TMTC1: variants seen among roughly 807,000 people sequenced by gnomAD.
The protein encoded by TMTC1 is protein O-mannosyl-transferase TMTC1.
In TMTC1, 73 loss-of-function variants were observed where a neutral mutation model predicts 104.8. That is an observed-to-expected ratio of 0.70 (90% CI 0.58 to 0.85). The LOEUF (loss-of-function observed/expected upper bound fraction) is 0.85. TMTC1 is among the 40% of genes least tolerant of loss of function. The pLI, the probability that TMTC1 is intolerant of heterozygous loss-of-function variation, is 0.00. For missense variants in TMTC1, 1,035 were observed against 1,096.1 expected, an observed-to-expected ratio of 0.94 and a Z score of 0.79; for synonymous variants, 434 against 428.7, an observed-to-expected ratio of 1.01 and a Z score of -0.15.
chr12:29,718,767 A>T, intron 5 of TMTC1, among the ~76,000 whole-genome samples: 1 of 152,096 alleles, frequency 6.6e-6, no homozygotes, highest in East Asian at 1.9e-4. Flanking sequence ...CCCCGTCTCT[A>T]CTAAAAATAC....
At chr12:29,730,594 T>A (rs1002406528) in intron 5 of TMTC1, among the ~76,000 whole-genome samples, 1 of 152,170 alleles carries the variant, frequency 6.6e-6, no homozygotes, top group Non-Finnish European at 1.5e-5. Flanking sequence ...CTGAGAAGGA[T>A]CACCGGATGA....
intron 8 of TMTC1, among the ~76,000 whole-genome samples, chr12:29,572,632 G>A (rs1336749652): frequency 1.3e-5 from 2 of 152,138 alleles, no homozygotes; most frequent in African/African-American, 4.8e-5. Context: ...ACACAACCTT[G>A]CAATTAACAA....
chr12:29,658,127 G>T (rs569981974), intron 5 of TMTC1, among the ~76,000 whole-genome samples: 2 of 151,506 alleles, frequency 1.3e-5, no homozygotes, highest in Non-Finnish European at 2.9e-5. Flanking sequence ...AACAAAAAAC[G>T]AAATCTAACA....
intron 5 of TMTC1, chr12:29,640,792 G>A (rs760429740): frequency 3.5e-4 from 54 of 152,388 alleles, no homozygotes; most frequent in Non-Finnish European, 7.2e-4. Context: ...GGGGGAGGGT[G>A]CAAATCTGAT....
chr12:29,575,848 A>G (rs159686), intron 8 of TMTC1, among the ~76,000 whole-genome samples: 148,982 of 152,270 alleles, frequency 0.98, 72,909 homozygotes, highest in East Asian at 1. Flanking sequence ...CTGGACCAAC[A>G]TACATTCCCA....
intron 5 of TMTC1, among the ~76,000 whole-genome samples, chr12:29,702,107 C>G (rs558819083): frequency 6.6e-6 from 1 of 152,090 alleles, no homozygotes; most frequent in African/African-American, 2.4e-5. Context: ...TGCCAAGAAT[C>G]CAGATTAAAC....
intron 5 of TMTC1, among the ~76,000 whole-genome samples, chr12:29,672,045 T>TC (rs2136683493): frequency 6.6e-6 from 1 of 152,242 alleles, no homozygotes; most frequent in East Asian, 1.9e-4. Flanking sequence ...AAGTCAAGTG[T>TC]CTAAAATTTG....
intron 5 of TMTC1, among the ~76,000 whole-genome samples, chr12:29,743,498 C>T (rs1942878412): frequency 6.6e-6 from 1 of 152,060 alleles, no homozygotes; most frequent in African/African-American, 2.4e-5. Flanking sequence ...AAATGTCCTT[C>T]CAAACCTCTT....
chr12:29,591,573 A>T (rs1191778898), intron 7 of TMTC1, among the ~76,000 whole-genome samples: 1 of 152,238 alleles, frequency 6.6e-6, no homozygotes, highest in Non-Finnish European at 1.5e-5. Flanking sequence ...CGTTTGAGAA[A>T]GAACCACCAC....
At chr12:29,758,817 T>C (rs1304882046) in intron 2 of TMTC1, 40 bp from the exon 3 acceptor site, 2 of 1,529,538 alleles carry the variant, frequency 1.3e-6, no homozygotes, top group South Asian at 1.2e-5. Flanking sequence ...CTTCAGACAA[T>C]TACTTTCAGA....
intron 1 of TMTC1, among the ~76,000 whole-genome samples, chr12:29,773,671 C>T (rs1943644320): frequency 6.6e-6 from 1 of 152,088 alleles, no homozygotes; most frequent in African/African-American, 2.4e-5. Flanking sequence ...TAGAGGGCTG[C>T]CCATCTACTT....
At chr12:29,530,596 C>A (rs545385807) in intron 11 of TMTC1, among the ~76,000 whole-genome samples, 41 of 152,306 alleles carry the variant, frequency 2.7e-4, no homozygotes, top group African/African-American at 9.4e-4. Flanking sequence ...CACAGTTCCT[C>A]CTCTAATCTG....
chr12:29,646,579 G>T (rs1939276378), intron 5 of TMTC1, among the ~76,000 whole-genome samples: 1 of 152,092 alleles, frequency 6.6e-6, no homozygotes, highest in Non-Finnish European at 1.5e-5. Flanking sequence ...AATTGCTACT[G>T]CCACAAGCTC....
chr12:29,662,377 T>A (rs11050343), intron 5 of TMTC1, among the ~76,000 whole-genome samples: 26,960 of 152,078 alleles, frequency 0.18, 2,611 homozygotes, highest in Non-Finnish European at 0.24. Context: ...AATGGCCAGG[T>A]GAGGTGGCTC....
At chr12:29,563,440 TATTCCTA>T (rs1945429276) in intron 9 of TMTC1, among the ~76,000 whole-genome samples, 1 of 152,148 alleles carries the variant, frequency 6.6e-6, no homozygotes, top group Non-Finnish European at 1.5e-5. Context: ...AGGATGTTCA[TATTCCTA>T]ATTAATAACT....
In TMTC1 at chr12:29,515,421, C is replaced by T. The variant is rs899596282; in HGVS notation, c.2308-817G>A. On this transcript the variant is annotated intron_variant, in intron 15 of 17. Coordinates refer to ENST00000539277, the MANE Select transcript of TMTC1 (RefSeq NM_001193451.2). The stretch of plus-strand genomic sequence containing the variant: ...GTCTCCTCCCAGCAGCCTGTGCTTG[C>T]GTTCCTACGGTGCTCCTGCTCCCTC... Among the ~76,000 whole-genome samples the T allele has an allele frequency of 6.6e-5, 10 of 152,314 alleles. No homozygotes were observed. In the East Asian group the frequency reaches 7.7e-4, roughly 12 times the overall value.
intron 7 of TMTC1, among the ~76,000 whole-genome samples, chr12:29,588,790 G>A (rs536015410): frequency 1.3e-5 from 2 of 152,106 alleles, no homozygotes; most frequent in African/African-American, 2.4e-5. Context: ...AATGTGCCAC[G>A]CCGATACATC....
intron 5 of TMTC1, among the ~76,000 whole-genome samples, chr12:29,644,621 C>A (rs1313714901): frequency 6.6e-6 from 1 of 152,158 alleles, no homozygotes; most frequent in African/African-American, 2.4e-5. Flanking sequence ...AAAGGCAGCA[C>A]CCTTCCATGA....
At chr12:29,570,359 T>C (rs1592248030) in intron 9 of TMTC1, among the ~76,000 whole-genome samples, 1 of 152,230 alleles carries the variant, frequency 6.6e-6, no homozygotes, top group Non-Finnish European at 1.5e-5. Flanking sequence ...ATAAGCATTA[T>C]GAACATTTTG....
Sources: gnomAD v4.1 joint callset for allele counts (sites outside exome capture counted in the v4.1 genomes callset) on GRCh38, gnomAD v4.1.1 for gene constraint, MANE v1.5 for transcripts, NCBI Gene and HGNC (gene_info 2026-07-23, HGNC 2026-07-21) for gene names.